SLC41A2: variants seen among roughly 807,000 people sequenced by gnomAD.
SLC41A2 encodes the protein SLC41A1-like 1.
A neutral mutation model predicts 58.3 loss-of-function variants in SLC41A2; 32 were observed. The ratio of observed to expected loss-of-function variants is 0.55; its 90% CI spans 0.41 to 0.74. The LOEUF (loss-of-function observed/expected upper bound fraction) is 0.74, where lower values mean the gene tolerates loss of function less well. Among genes scored for constraint, SLC41A2 ranks in the 30% least tolerant of loss-of-function variants. The pLI is 0.00. For missense variants in SLC41A2, 514 were observed against 680.6 expected, an observed-to-expected ratio of 0.76 and a Z score of 2.72; for synonymous variants, 190 against 235.0, an observed-to-expected ratio of 0.81 and a Z score of 1.75.
rs3039361 is a variant in SLC41A2 at position 104,848,896 on chromosome 12, C to CCACACACACA, written c.1256-2932_1256-2923dup. 7.5e-5 allele frequency among the ~76,000 whole-genome samples: 11 copies of CCACACACACA among 147,194 alleles called. No homozygotes were observed. In the East Asian group the frequency reaches 1.2e-3, roughly 16 times the overall value. ...AAGTAGGACTTCTTTAACTTGATAACCACACACACACACACACACACACAC... is the reference window on the plus strand; with the variant it reads ...AAGTAGGACTTCTTTAACTTGATAACCACACACACACACACACACACACACACACACACAC... On this transcript the variant is annotated intron_variant, in intron 8 of 10. Coordinates refer to ENST00000258538, the MANE Select transcript of SLC41A2 (RefSeq NM_001352171.3).
At chr12:104,882,669 A>C (rs1237759411) in intron 6 of SLC41A2, among the ~76,000 whole-genome samples, 1 of 151,268 alleles carries the variant, frequency 6.6e-6, no homozygotes, top group Non-Finnish European at 1.5e-5. Context: ...TGGCTTGTAG[A>C]GTTTCTGCTG....
intron 8 of SLC41A2, among the ~76,000 whole-genome samples, chr12:104,853,405 T>C (rs1246596181): frequency 2.0e-5 from 3 of 152,208 alleles, no homozygotes; most frequent in African/African-American, 7.2e-5. Flanking sequence ...CATTTTCACC[T>C]ATCCTCCTCT....
intron 1 of SLC41A2, among the ~76,000 whole-genome samples, chr12:104,941,506 A>C (rs2047512900): frequency 6.6e-6 from 1 of 152,226 alleles, no homozygotes; most frequent in South Asian, 2.1e-4. Flanking sequence ...TCCCAAAAAA[A>C]GTTAATATAA....
At chr12:104,878,077 T>C (rs2044143139) in intron 6 of SLC41A2, among the ~76,000 whole-genome samples, 1 of 151,832 alleles carries the variant, frequency 6.6e-6, no homozygotes, top group East Asian at 1.9e-4. Flanking sequence ...TTTTCCTCAA[T>C]AGTTGTTTAT....
At chr12:104,889,274 G>A in intron 4 of SLC41A2, 97 bp from the exon 5 acceptor site, 1 of 1,224,224 alleles carries the variant, frequency 8.2e-7, no homozygotes, top group Non-Finnish European at 1.1e-6. Flanking sequence ...GTCAAAAAAA[G>A]TATTGCATGT....
chr12:104,809,336 T>C (rs2041068726), intron 10 of SLC41A2, among the ~76,000 whole-genome samples: 1 of 151,984 alleles, frequency 6.6e-6, no homozygotes, highest in Non-Finnish European at 1.5e-5. Context: ...GGCATTTGCC[T>C]TGGGACCCAA....
At chr12:104,838,407 G>C (rs1183699383) in intron 10 of SLC41A2, among the ~76,000 whole-genome samples, 1 of 152,160 alleles carries the variant, frequency 6.6e-6, no homozygotes, top group Non-Finnish European at 1.5e-5. Context: ...GCTTTGCTGA[G>C]AACAAGTTTT....
rs751296260 is a variant in SLC41A2 at position 104,928,317 on chromosome 12, T to C, written c.211A>G (p.Thr71Ala). The change falls in exon 2 of 11, where the codon ACT becomes GCT. Residue 71 changes from threonine to alanine, a missense_variant. Physicochemically the swap from Thr to Ala is moderately conservative, Grantham distance 58. Around this residue, in one of 3 missense-constraint regions of SLC41A2, gnomAD observed 336 missense variants for 430.0 expected, o/e 0.78. Coordinates refer to ENST00000258538, the MANE Select transcript of SLC41A2 (RefSeq NM_001352171.3). Reference sequence around the variant, plus strand: ...CTATTACTAAAAGTCTGTACTGCAGTTGATAATCCATCTTGCCAAATGCCG... The same window carrying C: ...CTATTACTAAAAGTCTGTACTGCAGCTGATAATCCATCTTGCCAAATGCCG... Reference protein sequence around the residue: ...ANGIWQDGLSTAVQTFSNRSE... With the variant: ...ANGIWQDGLSAAVQTFSNRSE... 7 of 1,613,154 alleles carry C rather than the reference T, an allele frequency of 4.3e-6. No homozygotes were observed. The Admixed American group carries it at 5.0e-5, about 12-fold the overall frequency.
intron 10 of SLC41A2, among the ~76,000 whole-genome samples, chr12:104,838,520 A>G (rs1001798410): frequency 1.3e-5 from 2 of 152,202 alleles, no homozygotes; most frequent in African/African-American, 4.8e-5. Flanking sequence ...AATAGCAAAA[A>G]CTAACTAGAC....
intron 10 of SLC41A2, among the ~76,000 whole-genome samples, chr12:104,807,363 A>T (rs570896431): frequency 6.6e-6 from 1 of 152,148 alleles, no homozygotes; most frequent in Non-Finnish European, 1.5e-5. Flanking sequence ...TTTGTCAAAG[A>T]TCAGATAGTT....
chr12:104,871,114 C>T (rs1378116092), intron 6 of SLC41A2, among the ~76,000 whole-genome samples: 1 of 152,212 alleles, frequency 6.6e-6, no homozygotes, highest in Non-Finnish European at 1.5e-5. Flanking sequence ...ACTGCTCTTA[C>T]AGCTTCAGCT....
Position 104,883,892 on chromosome 12 carries a change from T to G in SLC41A2, c.1027+2401A>C, listed in dbSNP as rs563972543. Among the ~76,000 whole-genome samples the G allele has an allele frequency of 1.8e-3, 275 of 152,356 alleles. 1 individual carries two copies. Among genetic ancestry groups the G allele is most frequent in the African/African-American group, 5.7e-3 (237 of 41,588 alleles). On this transcript the variant is annotated intron_variant, in intron 6 of 10. Coordinates refer to ENST00000258538, the MANE Select transcript of SLC41A2 (RefSeq NM_001352171.3). ...CTTCAAAGCTGTCAGACAGGGACGT[T>G]TAAGTCCGCAGAAGTTTCTGCTGCC...
At chr12:104,811,666 C>T (rs1215025717) in intron 10 of SLC41A2, among the ~76,000 whole-genome samples, 4 of 152,102 alleles carry the variant, frequency 2.6e-5, no homozygotes, top group African/African-American at 9.7e-5. Flanking sequence ...TATCTTATTT[C>T]CTATTACTTC....
intron 6 of SLC41A2, among the ~76,000 whole-genome samples, chr12:104,873,126 C>T (rs1202184752): frequency 1.3e-5 from 2 of 152,136 alleles, no homozygotes; most frequent in Admixed American, 6.5e-5. Flanking sequence ...TTTCATCCTA[C>T]ATAACTGCAA....
At chr12:104,855,029 A>T (rs1001217438) in intron 8 of SLC41A2, among the ~76,000 whole-genome samples, 1 of 152,084 alleles carries the variant, frequency 6.6e-6, no homozygotes, top group African/African-American at 2.4e-5. Flanking sequence ...TGCATCCTTG[A>T]TCTTTCCTTC....
chr12:104,844,139 A>G (rs1019839182), intron 10 of SLC41A2, among the ~76,000 whole-genome samples: 3 of 152,182 alleles, frequency 2.0e-5, no homozygotes, highest in African/African-American at 4.8e-5. Context: ...AACTAGAACC[A>G]TTGGTAAAAA....
intron 6 of SLC41A2, among the ~76,000 whole-genome samples, chr12:104,885,090 A>T (rs2044591589): frequency 6.6e-6 from 1 of 152,144 alleles, no homozygotes; most frequent in Non-Finnish European, 1.5e-5. Context: ...TAATATACTT[A>T]AACATGTATC....
rs188817458 is a variant in SLC41A2, at chr12:104,925,016, G to A, written c.555+2957C>T. ...CACACTTATAAAGACAAGCAAAGAGGTGCTTACCAGAAAATCAGATTAGTG... is the reference window on the plus strand; with the variant it reads ...CACACTTATAAAGACAAGCAAAGAGATGCTTACCAGAAAATCAGATTAGTG... On this transcript the variant is annotated intron_variant, in intron 2 of 10. Transcript: ENST00000258538. Among the ~76,000 whole-genome samples the A allele has an allele frequency of 5.3e-5, 8 of 152,144 alleles. No individual in the cohort carries two copies. The East Asian group carries it at 1.4e-3, about 26-fold the overall frequency.
Position 104,883,111 on chromosome 12 carries a change from C to T in SLC41A2, c.1027+3182G>A, listed in dbSNP as rs930199915. Reference sequence around the variant, plus strand: ...TACCCTTTCTTCCACTTGATCAAATCGGCTACTGAAGCTTGTGCATGCATC... The same window carrying T: ...TACCCTTTCTTCCACTTGATCAAATTGGCTACTGAAGCTTGTGCATGCATC... On this transcript the variant is annotated intron_variant, in intron 6 of 10. Coordinates refer to ENST00000258538, the MANE Select transcript of SLC41A2 (RefSeq NM_001352171.3). Among the ~76,000 whole-genome samples, 3 of 152,258 alleles carry T rather than the reference C, an allele frequency of 2.0e-5. No individual in the cohort carries two copies. The East Asian group carries it at 5.8e-4, about 29-fold the overall frequency.
Sources: allele counts gnomAD v4.1 joint callset (sites outside exome capture counted in the v4.1 genomes callset), GRCh38; gene constraint gnomAD v4.1.1; regional missense constraint gnomAD v4.1.1; transcripts MANE v1.5; gene names NCBI Gene and HGNC (gene_info 2026-07-23, HGNC 2026-07-21).